ARL6IP5: variants seen among roughly 807,000 people sequenced by gnomAD.
ARL6IP5 encodes the protein ARF like GTPase 6 interacting protein 5.
ARL6IP5 carries 6 observed loss-of-function variants against 13.0 expected under a neutral mutation model. The ratio of observed to expected loss-of-function variants is 0.46; its 90% CI spans 0.25 to 0.91. ARL6IP5 has a LOEUF of 0.91. Among genes scored for constraint, ARL6IP5 ranks in the 40% least tolerant of loss-of-function variants. The pLI, the probability that ARL6IP5 is intolerant of heterozygous loss-of-function variation, is 0.17. For missense variants in ARL6IP5, 208 were observed against 248.8 expected (o/e 0.84, Z 1.10); for synonymous variants, 91 against 91.9 (o/e 0.99, Z 0.06).
chr3:69,099,727 C>G (rs896296959), intron 1 of ARL6IP5, among the ~76,000 whole-genome samples: 1 of 152,138 alleles, frequency 6.6e-6, no homozygotes, highest in East Asian at 1.9e-4. Context: ...CATTTCAAAT[C>G]AGCAATGTTA....
chr3:69,103,851 AG>A (rs2092313794), intron 2 of ARL6IP5, among the ~76,000 whole-genome samples: 1 of 152,168 alleles, frequency 6.6e-6, no homozygotes, highest in South Asian at 2.1e-4. Flanking sequence ...TGTCTCTTTA[AG>A]GCTCAGGTGG....
At chr3:69,096,413 T>C (rs1281619119) in intron 1 of ARL6IP5, among the ~76,000 whole-genome samples, 1 of 152,114 alleles carries the variant, frequency 6.6e-6, no homozygotes, top group African/African-American at 2.4e-5. Flanking sequence ...ACATGAATTT[T>C]GTTATATGCT....
chr3:69,102,537 G>A (rs72924853), intron 2 of ARL6IP5, among the ~76,000 whole-genome samples: 9,717 of 152,222 alleles, frequency 0.064, 767 homozygotes, highest in East Asian at 0.32. Flanking sequence ...TGGGATTACA[G>A]GCGTGAGCCA....
At position 69,099,130 on chromosome 3, in the gene ARL6IP5, G is replaced by A. The variant is rs993199408; in HGVS notation, c.177-2709G>A. ...ATAGCACTTTGGGAGGCTGAGGGGC[G>A]GGGGGGGTGGGGGGTGGATCACATG... is the stretch of plus-strand genomic sequence containing the variant. On this transcript the variant is annotated intron_variant, in intron 1 of 2. Transcript: ENST00000273258. Among the ~76,000 whole-genome samples, 22 of 96,386 alleles carry A rather than the reference G, an allele frequency of 2.3e-4. 1 individual carries two copies. Among genetic ancestry groups the A allele is most frequent in the African/African-American group, 5.8e-4 (10 of 17,226 alleles). 63.2% of individuals were successfully genotyped at this position (96,386 alleles called of 152,430 possible).
chr3:69,085,112 C>T lies in ARL6IP5; in HGVS notation c.65C>T (p.Ala22Val), dbSNP rs776844556. ...DDFFPGSDRF[A>V]RPDFRDISKW... is the part of the protein sequence containing the mutation. ...TTCTTCCCGGGTTCCGATCGCTTTG[C>T]CCGGCCGGACTTCAGGGACATTTCC... Residue 22 changes from alanine (A) to valine (V), a missense_variant, in exon 1 of 3, where the codon GCC (alanine) becomes GTC (valine). By Grantham distance (64) the Ala-to-Val change is moderately conservative. Transcript: ENST00000273258. 4 of 1,614,068 alleles carry T rather than the reference C, an allele frequency of 2.5e-6. No individual in the cohort carries two copies. The highest frequency in any genetic ancestry group is 3.4e-6 in the Non-Finnish European group (4 of 1,180,048).
intron 1 of ARL6IP5, among the ~76,000 whole-genome samples, chr3:69,085,965 C>T (rs1349946576): frequency 6.6e-6 from 1 of 152,198 alleles, no homozygotes; most frequent in African/African-American, 2.4e-5. Context: ...CACCTGCTTT[C>T]CTAGAAACCA....
In ARL6IP5 at chr3:69,104,271, A is replaced by C. The variant is rs183700442; in HGVS notation, c.395-193A>C. Reference sequence around the variant, plus strand: ...CATTTTCCTTTAATGCAGAAAAAAAACTATGTATGACTTGATGGAGAGCTT... The same window carrying C: ...CATTTTCCTTTAATGCAGAAAAAAACCTATGTATGACTTGATGGAGAGCTT... On this transcript the variant is annotated intron_variant, in intron 2 of 2. Coordinates refer to ENST00000273258, the MANE Select transcript of ARL6IP5 (RefSeq NM_006407.4). Among the ~76,000 whole-genome samples, 639 of 152,266 alleles carry C rather than the reference A, an allele frequency of 4.2e-3. 2 individuals are homozygous for C. Among genetic ancestry groups the C allele is most frequent in the South Asian group, 8.9e-3 (43 of 4,824 alleles).
intron 1 of ARL6IP5, among the ~76,000 whole-genome samples, chr3:69,096,560 G>T (rs1006046917): frequency 6.8e-6 from 1 of 146,396 alleles, no homozygotes; most frequent in African/African-American, 2.5e-5. Flanking sequence ...TCCTCCATTT[G>T]AGTTCTTTGT....
chr3:69,096,266 T>A (rs1462552302), intron 1 of ARL6IP5, among the ~76,000 whole-genome samples: 1 of 152,188 alleles, frequency 6.6e-6, no homozygotes, highest in East Asian at 1.9e-4. Flanking sequence ...CTCTTGGACA[T>A]GAGCAACCAG....
chr3:69,101,950 C>T lies in ARL6IP5; in HGVS notation c.288C>T (p.Arg96=), dbSNP rs2092306925. 1.9e-6 allele frequency: 3 copies of T among 1,614,138 alleles called. No individual in the cohort carries two copies. The South Asian group carries it at 3.3e-5, about 18-fold the overall frequency. Residue 96 remains arginine (R), a synonymous_variant, in exon 2 of 3, where the codon CGC becomes CGT. Transcript: ENST00000273258. ...ACGTCCTTCGCCGGATGAAGAAGCG[C>T]TACCCCACGACGTTCGTTATGGTGG... ...NKDVLRRMKK[R]YPTTFVMVVM...
chr3:69,088,035 C>T (rs1253145799), intron 1 of ARL6IP5, among the ~76,000 whole-genome samples: 1 of 152,068 alleles, frequency 6.6e-6, no homozygotes, highest in East Asian at 1.9e-4. Flanking sequence ...TGTCATAGAA[C>T]CCAATTTTAA....
chr3:69,096,031 GTGTC>G (rs775463735), intron 1 of ARL6IP5, among the ~76,000 whole-genome samples: 32 of 152,264 alleles, frequency 2.1e-4, no homozygotes, highest in Admixed American at 3.9e-4. Flanking sequence ...GTGTGTGTGT[GTGTC>G]TGTCTGTCTG....
chr3:69,086,069 T>G (rs2092246545), intron 1 of ARL6IP5, among the ~76,000 whole-genome samples: 1 of 152,180 alleles, frequency 6.6e-6, no homozygotes, highest in South Asian at 2.1e-4. Flanking sequence ...CTCCTACACA[T>G]CTTTAAAGAA....
chr3:69,103,542 C>T (rs1470489247), intron 2 of ARL6IP5, among the ~76,000 whole-genome samples: 2 of 152,314 alleles, frequency 1.3e-5, no homozygotes, highest in Admixed American at 1.3e-4. Context: ...TTAGAAAGCT[C>T]GTCAACTATT....
rs1368888137 is a variant in ARL6IP5, at chr3:69,105,252, A to C, written c.*616A>C. The stretch of plus-strand genomic sequence containing the variant: ...TGTTACATTTTTGTAAATTTTTGAA[A>C]TGCTAGTAATGTGTTTTCACCAGCA... On this transcript the variant is annotated 3_prime_UTR_variant, in exon 3 of 3. Coordinates refer to ENST00000273258, the MANE Select transcript of ARL6IP5 (RefSeq NM_006407.4). 5.1e-6 allele frequency: 1 copy of C among 197,598 alleles called. No homozygotes were observed. Among genetic ancestry groups the C allele is most frequent in the Non-Finnish European group, 1.0e-5 (1 of 96,848 alleles). 12.2% of individuals were successfully genotyped at this position (197,598 alleles called of 1,614,324 possible). A position where few individuals can be genotyped will look rare whatever the true frequency, so the allele number is the denominator to read the frequency against.
At chr3:69,092,089 C>T (rs941600896) in intron 1 of ARL6IP5, among the ~76,000 whole-genome samples, 2 of 151,984 alleles carry the variant, frequency 1.3e-5, no homozygotes, top group South Asian at 2.1e-4. Flanking sequence ...TTGAAATGAG[C>T]GTGGCTTCCT....
rs1203866597 is a variant in ARL6IP5, at chr3:69,106,068, T to C, written c.*1432T>C. ...GAAGAATAAAATTGATTAAAGGTTT[T>C]TTTGGTGAGACTTTATTTAATGCAC... is the stretch of plus-strand genomic sequence containing the variant. On this transcript the variant is annotated 3_prime_UTR_variant, in exon 3 of 3. Coordinates refer to ENST00000273258, the MANE Select transcript of ARL6IP5 (RefSeq NM_006407.4). 2 of 152,216 alleles carry C rather than the reference T, an allele frequency of 1.3e-5. No individual in the cohort carries two copies. Among genetic ancestry groups the C allele is most frequent in the African/African-American group, 4.8e-5 (2 of 41,458 alleles). 9.4% of individuals were successfully genotyped at this position (152,216 alleles called of 1,614,324 possible). A position where few individuals can be genotyped will look rare whatever the true frequency, so the allele number is the denominator to read the frequency against.
In ARL6IP5 at chr3:69,089,769, T is replaced by A. The variant is rs773165289; in HGVS notation, c.176+4546T>A. 1.5e-4 allele frequency: 67 copies of A among 456,300 alleles called. 1 individual carries two copies. Among genetic ancestry groups the A allele is most frequent in the South Asian group, 1.0e-3 (67 of 64,472 alleles). The allele number at this position is 456,300 out of a possible 1,614,324, so 28.3% of individuals were successfully genotyped here. A position where few individuals can be genotyped will look rare whatever the true frequency, so the allele number is the denominator to read the frequency against. ...TCTGCTGCTTCTCCAGCAAGAGAGC[T>A]GCATGTATTCTTATGTATATACATT... On this transcript the variant is annotated intron_variant, in intron 1 of 2. Coordinates refer to ENST00000273258, the MANE Select transcript of ARL6IP5 (RefSeq NM_006407.4).
At position 69,101,875 on chromosome 3, in the gene ARL6IP5, C is replaced by T. The variant is rs1432310227; in HGVS notation, c.213C>T (p.Ile71=). 8.7e-6 allele frequency: 14 copies of T among 1,613,834 alleles called. 1 individual carries two copies. Among genetic ancestry groups the T allele is most frequent in the South Asian group, 2.2e-5 (2 of 91,050 alleles). The change falls in exon 2 of 3, where the codon ATC becomes ATT. Residue 71 remains isoleucine, a synonymous_variant. Coordinates refer to ENST00000273258, the MANE Select transcript of ARL6IP5 (RefSeq NM_006407.4). ...LSPFNMILGG[I]VVVLVFTGFV... ...CCTTCAACATGATCCTGGGAGGAATCGTGGTGGTGCTGGTGTTCACAGGGT... is the reference window on the plus strand; with the variant it reads ...CCTTCAACATGATCCTGGGAGGAATTGTGGTGGTGCTGGTGTTCACAGGGT...
Sources: gnomAD v4.1 joint callset for allele counts (sites outside exome capture counted in the v4.1 genomes callset) on GRCh38, gnomAD v4.1.1 for gene constraint, MANE v1.5 for transcripts, NCBI Gene and HGNC (gene_info 2026-07-23, HGNC 2026-07-21) for gene names.